PSMD9: variants seen among roughly 807,000 people sequenced by gnomAD.
PSMD9 encodes proteasome 26S subunit, non-ATPase 9.
PSMD9 carries 26 observed loss-of-function variants against 25.9 expected under a neutral mutation model. The ratio of observed to expected loss-of-function variants is 1.00; its 90% CI spans 0.73 to 1.39. PSMD9 has a LOEUF of 1.39. PSMD9 is among the 40% of genes most tolerant of loss of function. The pLI, the probability that PSMD9 is intolerant of heterozygous loss-of-function variation, is 0.00. For synonymous variants in PSMD9, 110 were observed against 114.5 expected (o/e 0.96, Z 0.25); for missense variants, 303 against 299.3 (o/e 1.01, Z -0.09).
chr12:121,902,779 G>C, intron 3 of PSMD9: 1 of 479,246 alleles, frequency 2.1e-6, no homozygotes, highest in South Asian at 2.1e-5. Context: ...GGCAGACCTG[G>C]TCATCTTTAC....
intron 4 of PSMD9, among the ~76,000 whole-genome samples, chr12:121,909,181 A>C (rs1016546349): frequency 1.3e-5 from 2 of 152,112 alleles, no homozygotes; most frequent in Non-Finnish European, 2.9e-5. Context: ...CATGGGCCTT[A>C]ACCTGATGGA....
chr12:121,915,330 A>G (rs1014207861), intron 4 of PSMD9: 1 of 152,134 alleles, frequency 6.6e-6, no homozygotes, highest in East Asian at 1.9e-4. Flanking sequence ...GTCTCAAAAA[A>G]AAAAAAAAAG....
At chr12:121,913,326 G>C (rs1879794068) in intron 4 of PSMD9, among the ~76,000 whole-genome samples, 1 of 150,836 alleles carries the variant, frequency 6.6e-6, no homozygotes, top group African/African-American at 2.4e-5. Context: ...TGATCCGCCT[G>C]CCTTGGCCTC....
chr12:121,905,291 G>C (rs1479610627), intron 4 of PSMD9, among the ~76,000 whole-genome samples: 7 of 149,874 alleles, frequency 4.7e-5, no homozygotes, highest in Non-Finnish European at 7.4e-5. Context: ...GCAGTCTCGG[G>C]GGGGCTACTG....
At chr12:121,891,086 A>G (rs1879059249) in intron 1 of PSMD9, among the ~76,000 whole-genome samples, 1 of 137,458 alleles carries the variant, frequency 7.3e-6, no homozygotes, top group Non-Finnish European at 1.6e-5. Flanking sequence ...TCGGCCTCCC[A>G]AAGTGCTGGG....
intron 4 of PSMD9, among the ~76,000 whole-genome samples, chr12:121,913,581 T>C (rs981821477): frequency 3.3e-5 from 5 of 151,476 alleles, no homozygotes; most frequent in Non-Finnish European, 1.5e-5. Context: ...AGCCTTGAGC[T>C]TCTGGGCTCA....
rs534164800 is a variant in PSMD9 at position 121,913,195 on chromosome 12, T to C, written c.556-2661T>C. On this transcript the variant is annotated intron_variant, in intron 4 of 5. Transcript: ENST00000541212. ...TCCTGACTTTGTGATCTGCCCACCT[T>C]GGCCTCCCAAAGTGCTGGGATTACA... 1.4e-4 allele frequency among the ~76,000 whole-genome samples: 21 copies of C among 152,088 alleles called. No individual in the cohort carries two copies. The South Asian group carries it at 1.4e-3, about 11-fold the overall frequency.
chr12:121,894,569 C>T (rs1179331210), intron 1 of PSMD9, 170 bp from the exon 2 acceptor site: 12 of 612,564 alleles, frequency 2.0e-5, no homozygotes, highest in Non-Finnish European at 3.5e-5. Context: ...CAGTGCCCAC[C>T]CCAGGGTAGT....
Position 121,916,297 on chromosome 12 carries a change from C to T in PSMD9, c.658C>T (p.Pro220Ser), listed in dbSNP as rs754376167. ...GKGLLGCNII[P>S]LQR ...TCTTTCTTCCAGCTGCAACATTATT[C>T]CTCTGCAAAGATGATTGTCCCTGGG... Residue 220 changes from proline to serine, a missense_variant, in exon 6 of 6, where the codon CCT (proline) becomes TCT (serine). Transcript: ENST00000541212. 1.4e-5 allele frequency: 22 copies of T among 1,614,032 alleles called. No homozygotes were observed. The highest frequency in any genetic ancestry group is 1.4e-5 in the Non-Finnish European group (17 of 1,180,012).
At position 121,888,961 on chromosome 12, in the gene PSMD9, G is replaced by C; in HGVS notation, c.105G>C (p.Ala35=). The C allele has an allele frequency of 6.3e-7, 1 of 1,590,376 alleles. No homozygotes were observed. The highest frequency in any genetic ancestry group is 8.6e-7 in the Non-Finnish European group (1 of 1,168,912). Reference sequence around the variant, plus strand: ...TGCGGCGCAAGGAGGAGATAGAAGCGCAGATCAAGGCCAACTATGACGTGC... The same window carrying C: ...TGCGGCGCAAGGAGGAGATAGAAGCCCAGATCAAGGCCAACTATGACGTGC... ...ELMRRKEEIE[A]QIKANYDVLE... Residue 35 remains alanine (A), a synonymous_variant, in exon 1 of 6, where the codon GCG becomes GCC. Coordinates refer to ENST00000541212, the MANE Select transcript of PSMD9 (RefSeq NM_002813.7).
rs34940246 is a variant in PSMD9 at position 121,910,083 on chromosome 12, C to CTTTTTTT, written c.556-5758_556-5752dup. On this transcript the variant is annotated intron_variant, in intron 4 of 5. Coordinates refer to ENST00000541212, the MANE Select transcript of PSMD9 (RefSeq NM_002813.7). ...TCTTTGACAATCTGGTAGGAAATGA[C>CTTTTTTT]TTTTTTTTTTTTTTTTTTTTTGAGA... Among the ~76,000 whole-genome samples the CTTTTTTT allele has an allele frequency of 3.9e-4, 37 of 95,554 alleles. 1 individual carries two copies. The highest frequency in any genetic ancestry group is 4.9e-4 in the Non-Finnish European group (26 of 52,590). 62.7% of individuals were successfully genotyped at this position (95,554 alleles called of 152,430 possible).
intron 1 of PSMD9, among the ~76,000 whole-genome samples, chr12:121,892,180 G>A (rs763346583): frequency 5.3e-5 from 8 of 152,138 alleles, no homozygotes; most frequent in Non-Finnish European, 1.2e-4. Context: ...TATAATAAGA[G>A]CTCTTACAAC....
chr12:121,914,704 A>G (rs1390761356), intron 4 of PSMD9: 1 of 149,394 alleles, frequency 6.7e-6, no homozygotes, highest in South Asian at 2.1e-4. Flanking sequence ...ATACAGAAAC[A>G]TTAGCTGAGC....
chr12:121,892,955 G>T (rs1386961907), intron 1 of PSMD9, among the ~76,000 whole-genome samples: 4 of 152,162 alleles, frequency 2.6e-5, no homozygotes, highest in African/African-American at 9.7e-5. Flanking sequence ...CAATAAAACT[G>T]TTATAAAAAC....
rs1163702418 is a variant in PSMD9 at position 121,915,988 on chromosome 12, A to G, written c.644+44A>G. On this transcript the variant is annotated intron_variant, in intron 5 of 5. Coordinates refer to ENST00000541212, the MANE Select transcript of PSMD9 (RefSeq NM_002813.7). Reference sequence around the variant, plus strand: ...TTCATTCTCACTGGGGCATCATTTGAGTGTTTGTTAAACATGAAGCTGGAG... The same window carrying G: ...TTCATTCTCACTGGGGCATCATTTGGGTGTTTGTTAAACATGAAGCTGGAG... 2 of 1,574,432 alleles carry G rather than the reference A, an allele frequency of 1.3e-6. 1 individual carries two copies. The highest frequency in any genetic ancestry group is 1.7e-6 in the Non-Finnish European group (2 of 1,147,666).
At chr12:121,916,261 A>C in intron 5 of PSMD9, 23 bp from the exon 6 acceptor site, 1 of 1,614,014 alleles carries the variant, frequency 6.2e-7, no homozygotes, top group Non-Finnish European at 8.5e-7. Flanking sequence ...AACTTACGCC[A>C]TTCCTTTTCT....
rs908212960 is a variant in PSMD9, at chr12:121,917,685, C to T, written c.*1374C>T. 5 of 152,210 alleles carry T rather than the reference C, an allele frequency of 3.3e-5. No homozygotes were observed. The highest frequency in any genetic ancestry group is 5.9e-5 in the Non-Finnish European group (4 of 68,044). 9.4% of individuals were successfully genotyped at this position (152,210 alleles called of 1,614,324 possible). On this transcript the variant is annotated 3_prime_UTR_variant, in exon 6 of 6. Coordinates refer to ENST00000541212, the MANE Select transcript of PSMD9 (RefSeq NM_002813.7). ...TCTCACACTCAATTCCAAAGCCTTC[C>T]TATTGGGCGAATTCCCTCAAACTCT...
chr12:121,890,760 C>A (rs999810542), intron 1 of PSMD9, among the ~76,000 whole-genome samples: 1 of 152,154 alleles, frequency 6.6e-6, no homozygotes, highest in Non-Finnish European at 1.5e-5. Context: ...GCATGAGCCA[C>A]AGTGCCTTGC....
rs545100124 is a variant in PSMD9, at chr12:121,918,051, C to G, written c.*1740C>G. The G allele has an allele frequency of 6.6e-6, 1 of 152,178 alleles. No homozygotes were observed. The highest frequency in any genetic ancestry group is 1.5e-5 in the Non-Finnish European group (1 of 68,048). 9.4% of individuals were successfully genotyped at this position (152,178 alleles called of 1,614,324 possible). On this transcript the variant is annotated 3_prime_UTR_variant, in exon 6 of 6. Transcript: ENST00000541212. This position sits in a 1 kb window ranked among gnomAD's most constrained non-coding sequence, Gnocchi z 4.3. The stretch of plus-strand genomic sequence containing the variant: ...TGGAAACCCGTGTGGCCACCTGTTG[C>G]CGTCTTCCATGAGATGTTAGTGGAG...
Sources: gnomAD v4.1 joint callset for allele counts (sites outside exome capture counted in the v4.1 genomes callset) on GRCh38, gnomAD v4.1.1 for gene constraint, Gnocchi (gnomAD v3.1) non-coding constraint, MANE v1.5 for transcripts, NCBI Gene and HGNC (gene_info 2026-07-23, HGNC 2026-07-21) for gene names.